CTNNA1: variants seen among roughly 807,000 people sequenced by gnomAD.
CTNNA1 encodes catenin alpha 1, also known as catenin alpha-1.
Under a neutral mutation model 98.4 loss-of-function variants are expected in CTNNA1, and 37 were observed. The ratio of observed to expected loss-of-function variants is 0.38; its 90% CI spans 0.29 to 0.49. The LOEUF is 0.49. Ranked by LOEUF, CTNNA1 falls within the 20% of genes least tolerant of loss-of-function variation. CTNNA1 has a pLI of 0.95. For synonymous variants in CTNNA1, 404 were observed against 413.2 expected (o/e 0.98, Z 0.27); for missense variants, 761 against 1,147.2 (o/e 0.66, Z 4.86).
At chr5:138,897,763 C>G (rs1581568601) in intron 9 of CTNNA1, among the ~76,000 whole-genome samples, 1 of 152,118 alleles carries the variant, frequency 6.6e-6, no homozygotes, top group Non-Finnish European at 1.5e-5. Context: ...TACATGTGTT[C>G]TATTTTTAAC....
chr5:138,797,781 G>A (rs1757125424), intron 3 of CTNNA1, among the ~76,000 whole-genome samples: 1 of 151,902 alleles, frequency 6.6e-6, no homozygotes, highest in South Asian at 2.1e-4. Context: ...CTGTAAATGG[G>A]ATAGATGAGG....
intron 3 of CTNNA1, chr5:138,790,901 A>C (rs1274918483): frequency 6.6e-6 from 1 of 152,166 alleles, no homozygotes; most frequent in East Asian, 1.9e-4. Flanking sequence ...GTCACCTCTC[A>C]TGTATGTGTT....
intron 7 of CTNNA1, among the ~76,000 whole-genome samples, chr5:138,854,962 T>TG (rs1369233238): frequency 6.6e-6 from 1 of 152,204 alleles, no homozygotes; most frequent in African/African-American, 2.4e-5. Flanking sequence ...AAAAAAATAT[T>TG]GGGATTTAGA....
intron 7 of CTNNA1, among the ~76,000 whole-genome samples, chr5:138,838,731 T>C (rs1027134254): frequency 2.0e-5 from 3 of 152,208 alleles, no homozygotes; most frequent in African/African-American, 4.8e-5. Context: ...CTGCTTTGTC[T>C]GCATCCGATA....
At chr5:138,791,288 G>A (rs825758) in intron 3 of CTNNA1, among the ~76,000 whole-genome samples, 105,128 of 151,928 alleles carry the variant, frequency 0.69, 36,520 homozygotes, top group East Asian at 0.93. Flanking sequence ...GTGTTGTTAA[G>A]TACTAAATCT....
chr5:138,862,042 C>T (rs958835474), intron 7 of CTNNA1, among the ~76,000 whole-genome samples: 1 of 152,112 alleles, frequency 6.6e-6, no homozygotes, highest in African/African-American at 2.4e-5. Context: ...GTTTTCTTGA[C>T]TTGAAGAATC....
chr5:138,776,971 G>A (rs1217692986), intron 1 of CTNNA1, among the ~76,000 whole-genome samples: 1 of 148,242 alleles, frequency 6.7e-6, no homozygotes, highest in Non-Finnish European at 1.5e-5. Flanking sequence ...CCTCCCTCCC[G>A]GACGGGGCGG....
chr5:138,770,888 C>T (rs921208124), intron 1 of CTNNA1, among the ~76,000 whole-genome samples: 9 of 151,164 alleles, frequency 6.0e-5, no homozygotes, highest in African/African-American at 1.9e-4. Context: ...GGAGGCAGGG[C>T]TTGCAGTGAG....
intron 7 of CTNNA1, among the ~76,000 whole-genome samples, chr5:138,858,587 T>C (rs1387284405): frequency 1.5e-5 from 1 of 68,368 alleles, no homozygotes; most frequent in African/African-American, 6.4e-5. Flanking sequence ...TTTTTCTTTT[T>C]CTTTTTCTTT....
At chr5:138,767,413 C>T (rs1052739135) in intron 1 of CTNNA1, among the ~76,000 whole-genome samples, 3 of 152,040 alleles carry the variant, frequency 2.0e-5, no homozygotes, top group Admixed American at 6.6e-5. Flanking sequence ...CTGTGGTTGC[C>T]GGAAGGTGCT....
chr5:138,790,538 T>G (rs1007201759), intron 3 of CTNNA1, among the ~76,000 whole-genome samples: 4 of 152,236 alleles, frequency 2.6e-5, no homozygotes, highest in Non-Finnish European at 5.9e-5. Flanking sequence ...TAGTGCTCCT[T>G]TCTCTGTTGA....
chr5:138,888,938 T>C (rs1754738816), intron 9 of CTNNA1, among the ~76,000 whole-genome samples: 1 of 152,250 alleles, frequency 6.6e-6, no homozygotes, highest in Non-Finnish European at 1.5e-5. Flanking sequence ...TTAAGTGTTA[T>C]TCTGACCTGA....
chr5:138,932,387 G>C, intron 16 of CTNNA1, 191 bp from the exon 17 acceptor site: 1 of 1,413,978 alleles, frequency 7.1e-7, no homozygotes, highest in Non-Finnish European at 9.2e-7. Flanking sequence ...ACTTCCATCA[G>C]CTCACCCGCC....
At chr5:138,777,132 C>A (rs1294718442) in intron 1 of CTNNA1, among the ~76,000 whole-genome samples, 1 of 152,108 alleles carries the variant, frequency 6.6e-6, no homozygotes, top group African/African-American at 2.4e-5. Flanking sequence ...GGTCTCCTCA[C>A]TTCTCAGACG....
intron 3 of CTNNA1, among the ~76,000 whole-genome samples, chr5:138,806,670 C>CTGCTTCTTCTAA (rs1758112246): frequency 6.6e-6 from 1 of 152,156 alleles, no homozygotes; most frequent in African/African-American, 2.4e-5. Context: ...CTCCCATCTT[C>CTGCTTCTTCTAA]TGCTTCTTCT....
chr5:138,776,149 G>A (rs1754137902), intron 1 of CTNNA1, among the ~76,000 whole-genome samples: 1 of 145,736 alleles, frequency 6.9e-6, no homozygotes, highest in Admixed American at 7.2e-5. Context: ...AGATAAACAA[G>A]TGAACAAAGG....
chr5:138,869,217 AAGAGTTGC>A (rs1356254856), intron 7 of CTNNA1: 2 of 151,678 alleles, frequency 1.3e-5, no homozygotes, highest in Non-Finnish European at 2.9e-5. Flanking sequence ...TGTTAGTTGA[AAGAGTTGC>A]AGAGGTTTCC....
chr5:138,890,693 C>T (rs895486952), intron 9 of CTNNA1, among the ~76,000 whole-genome samples: 1 of 152,154 alleles, frequency 6.6e-6, no homozygotes, highest in Non-Finnish European at 1.5e-5. Flanking sequence ...ATTATGGAGG[C>T]ATGATGATCC....
At chr5:138,860,920 C>G (rs1397356051) in intron 7 of CTNNA1, among the ~76,000 whole-genome samples, 1 of 152,138 alleles carries the variant, frequency 6.6e-6, no homozygotes, top group Non-Finnish European at 1.5e-5. Context: ...AGGAGTGTGC[C>G]GAGGATGGTA....
Sources: allele counts gnomAD v4.1 joint callset (sites outside exome capture counted in the v4.1 genomes callset), GRCh38; gene constraint gnomAD v4.1.1; transcripts MANE v1.5; gene names NCBI Gene and HGNC (gene_info 2026-07-23, HGNC 2026-07-21).